Variants in LINGO2 observed in about 807,000 individuals in gnomAD.
LINGO2 encodes the protein leucine-rich repeat and immunoglobulin-like domain-containing nogo receptor-interacting protein 2.
In LINGO2, 14 loss-of-function variants were observed where a neutral mutation model predicts 30.6. The ratio of observed to expected loss-of-function variants is 0.46; its 90% confidence interval spans 0.30 to 0.72. The LOEUF is 0.72. Ranked by LOEUF, LINGO2 falls within the 30% of genes least tolerant of loss-of-function variation. The pLI is 0.07. For synonymous variants in LINGO2, 317 were observed against 288.5 expected (o/e 1.10, Z -1.00); for missense variants, 729 against 751.7 (o/e 0.97, Z 0.35).
At chr9:28,638,461 A>G (rs564904283) in intron 1 of LINGO2, among the ~76,000 whole-genome samples, 29 of 152,024 alleles carry the variant, frequency 1.9e-4, no homozygotes, top group Non-Finnish European at 3.5e-4. Flanking sequence ...GACTTTTTTT[A>G]GTTGATAAGC....
At chr9:28,602,018 C>T (rs1054482859) in intron 1 of LINGO2, among the ~76,000 whole-genome samples, 116 of 152,082 alleles carry the variant, frequency 7.6e-4, no homozygotes, top group African/African-American at 2.6e-3. Flanking sequence ...TTCTAAAGTA[C>T]GGATTTGACT....
intron 2 of LINGO2, among the ~76,000 whole-genome samples, chr9:28,431,478 T>C (rs549354223): frequency 2.2e-4 from 33 of 152,176 alleles, no homozygotes; most frequent in Non-Finnish European, 4.3e-4. Context: ...TATAGAACAA[T>C]TGTTTGGAAG....
intron 4 of LINGO2, among the ~76,000 whole-genome samples, chr9:28,194,106 T>C (rs1359484073): frequency 1.3e-5 from 2 of 152,134 alleles, no homozygotes; most frequent in Admixed American, 6.6e-5. Context: ...GCTCCACCTT[T>C]CCAAAAGGGG....
chr9:28,465,151 GGA>G (rs1817042507), intron 2 of LINGO2, among the ~76,000 whole-genome samples: 1 of 152,192 alleles, frequency 6.6e-6, no homozygotes, highest in African/African-American at 2.4e-5. Flanking sequence ...ACAGCTCAGT[GGA>G]GAGTCAGTGT....
intron 4 of LINGO2, among the ~76,000 whole-genome samples, chr9:28,227,123 A>G (rs933080143): frequency 6.6e-6 from 1 of 152,120 alleles, no homozygotes; most frequent in African/African-American, 2.4e-5. Flanking sequence ...TCAATAAATC[A>G]AGGGCCATTA....
the LINGO2 span, among the ~76,000 whole-genome samples, chr9:28,997,994 GAGTAA>G: frequency 6.6e-6 from 1 of 152,110 alleles, no homozygotes; most frequent in Non-Finnish European, 1.5e-5. Flanking sequence ...CTTTACAAGA[GAGTAA>G]AGTAAAGATC....
Position 28,433,966 on chromosome 9 carries a change from T to TATATATATATATATATATACAC in LINGO2, c.-279+41973_-279+41974insGTGTATATATATATATATATAT, listed in dbSNP as rs752778212. Among the ~76,000 whole-genome samples the TATATATATATATATATATACAC allele has an allele frequency of 2.3e-4, 23 of 100,038 alleles. 1 individual carries two copies. Among genetic ancestry groups the TATATATATATATATATATACAC allele is most frequent in the Non-Finnish European group, 3.8e-4 (16 of 42,276 alleles). 65.6% of individuals were successfully genotyped at this position (100,038 alleles called of 152,430 possible). ...CTCTCTCTCTATATATATATATATA[T>TATATATATATATATATATACAC]ACACACACACACATGAAAATACTAC... is the stretch of plus-strand genomic sequence containing the variant. On this transcript the variant is annotated intron_variant, in intron 2 of 5. Transcript: ENST00000379992.
chr9:28,628,458 G>A (rs1023628210), intron 1 of LINGO2, among the ~76,000 whole-genome samples: 2 of 151,986 alleles, frequency 1.3e-5, no homozygotes, highest in Admixed American at 6.6e-5. Context: ...GCACTATGCC[G>A]GGTGCGTATA....
At chr9:28,683,083 C>T in the LINGO2 span, among the ~76,000 whole-genome samples, 2 of 152,186 alleles carry the variant, frequency 1.3e-5, no homozygotes, top group South Asian at 2.1e-4. Flanking sequence ...GCTAAACATA[C>T]TATAGCCTAT....
intron 3 of LINGO2, among the ~76,000 whole-genome samples, chr9:28,297,165 C>G (rs539954230): frequency 1.3e-5 from 2 of 152,182 alleles, no homozygotes; most frequent in South Asian, 4.2e-4. Flanking sequence ...TGACTTAGCG[C>G]CACTTCTCAT....
intron 2 of LINGO2, among the ~76,000 whole-genome samples, chr9:28,408,902 G>A (rs562611719): frequency 1.3e-5 from 2 of 151,944 alleles, no homozygotes; most frequent in East Asian, 1.9e-4. Flanking sequence ...TAGAAAATAG[G>A]CCCCACAGTG....
chr9:28,685,302 T>C, the LINGO2 span, among the ~76,000 whole-genome samples: 6 of 152,160 alleles, frequency 3.9e-5, no homozygotes, highest in African/African-American at 1.4e-4. Flanking sequence ...ACCATCTCTT[T>C]TTTTCCTACT....
At chr9:28,967,697 A>G in the LINGO2 span, among the ~76,000 whole-genome samples, 1 of 152,190 alleles carries the variant, frequency 6.6e-6, no homozygotes, top group African/African-American at 2.4e-5. Context: ...AAAATGTTAT[A>G]ATTCATCAAC....
At chr9:27,968,612 A>G (rs1343983100) in intron 5 of LINGO2, among the ~76,000 whole-genome samples, 3 of 151,960 alleles carry the variant, frequency 2.0e-5, no homozygotes, top group Non-Finnish European at 4.4e-5. Flanking sequence ...TATTTAAAAA[A>G]TGTTTTCAAT....
intron 1 of LINGO2, among the ~76,000 whole-genome samples, chr9:28,499,378 G>A (rs1368382056): frequency 6.6e-6 from 1 of 152,154 alleles, no homozygotes; most frequent in South Asian, 2.1e-4. Flanking sequence ...AAAGTCTTGA[G>A]TGATCATAGT....
intron 4 of LINGO2, among the ~76,000 whole-genome samples, chr9:28,101,097 G>A (rs569591064): frequency 2.5e-4 from 38 of 151,844 alleles, no homozygotes; most frequent in African/African-American, 9.2e-4. Context: ...TGTTTTTAAA[G>A]AAAAGATAAA....
At chr9:28,839,202 T>TTA in the LINGO2 span, among the ~76,000 whole-genome samples, 8 of 152,324 alleles carry the variant, frequency 5.3e-5, no homozygotes, top group South Asian at 1.7e-3. Flanking sequence ...GGGGCGTGTT[T>TTA]CAGATCTGTT....
chr9:28,421,079 G>A (rs1823174767), intron 2 of LINGO2, among the ~76,000 whole-genome samples: 1 of 151,766 alleles, frequency 6.6e-6, no homozygotes, highest in South Asian at 2.1e-4. Flanking sequence ...TGCCCAAATT[G>A]TCATGATCAT....
intron 4 of LINGO2, among the ~76,000 whole-genome samples, chr9:28,271,206 T>C (rs1349514863): frequency 1.3e-5 from 2 of 151,956 alleles, no homozygotes; most frequent in East Asian, 1.9e-4. Context: ...AATCACAGTG[T>C]AGAAAATAAT....
Sources: gnomAD v4.1 joint callset for allele counts (sites outside exome capture counted in the v4.1 genomes callset) on GRCh38, gnomAD v4.1.1 for gene constraint, MANE v1.5 for transcripts, NCBI Gene and HGNC (gene_info 2026-07-23, HGNC 2026-07-21) for gene names.